Variants in RYR2 observed in about 807,000 individuals in gnomAD.
RYR2 encodes the protein ryanodine receptor 2.
In RYR2, 227 loss-of-function variants were observed where a neutral mutation model predicts 601.1. That is an observed-to-expected ratio of 0.38 (90% CI 0.34 to 0.42). The LOEUF is 0.42. Ranked by LOEUF, RYR2 falls within the 10% of genes least tolerant of loss-of-function variation. The pLI is 1.00. For missense variants in RYR2, 4,646 were observed against 6,156.5 expected (o/e 0.75, Z 8.21); for synonymous variants, 2,223 against 2,175.1 (o/e 1.02, Z -0.61).
chr1:237,248,321 G>GA lies in RYR2; in HGVS notation c.49-22167dup, dbSNP rs202029473. 9.3e-5 allele frequency among the ~76,000 whole-genome samples: 11 copies of GA among 117,660 alleles called. No individual in the cohort carries two copies. In the East Asian group the frequency reaches 1.5e-3, roughly 16 times the overall value. The allele number at this position is 117,660 out of a possible 152,430, so 77.2% of individuals were successfully genotyped here. A position where few individuals can be genotyped will look rare whatever the true frequency, so the allele number is the denominator to read the frequency against. On this transcript the variant is annotated intron_variant, in intron 1 of 104. Coordinates refer to ENST00000366574, the MANE Select transcript of RYR2 (RefSeq NM_001035.3). ...CCCCAAAAATGATGATGTATCATTT[G>GA]AAAAAAAAATCCATTGGTTTCAAAG...
At chr1:237,254,753 G>A (rs948592749) in intron 1 of RYR2, among the ~76,000 whole-genome samples, 1 of 152,154 alleles carries the variant, frequency 6.6e-6, no homozygotes, top group African/African-American at 2.4e-5. Context: ...TACATTTAAT[G>A]TTTCATAGAC....
intron 13 of RYR2, among the ~76,000 whole-genome samples, chr1:237,442,739 A>ATG (rs1708020492): frequency 6.6e-6 from 1 of 151,988 alleles, no homozygotes; most frequent in Non-Finnish European, 1.5e-5. Context: ...CATGTTCTGG[A>ATG]TGTGTCTGAC....
At chr1:237,341,163 C>T (rs1328302880) in intron 3 of RYR2, among the ~76,000 whole-genome samples, 1 of 152,058 alleles carries the variant, frequency 6.6e-6, no homozygotes, top group African/African-American at 2.4e-5. Flanking sequence ...TTTGATTAGT[C>T]TCATTCAATT....
At chr1:237,362,183 T>A (rs761786556) in intron 4 of RYR2, among the ~76,000 whole-genome samples, 3 of 152,224 alleles carry the variant, frequency 2.0e-5, no homozygotes, top group African/African-American at 7.2e-5. Flanking sequence ...ATCTGCAGTT[T>A]TAGCCTAAAG....
At chr1:237,775,726 G>A (rs1355395482) in intron 87 of RYR2, among the ~76,000 whole-genome samples, 2 of 152,206 alleles carry the variant, frequency 1.3e-5, no homozygotes, top group Non-Finnish European at 2.9e-5. Flanking sequence ...AGACCATGAG[G>A]TAGTTGTTGA....
At chr1:237,238,741 G>C (rs569772923) in intron 1 of RYR2, among the ~76,000 whole-genome samples, 1 of 152,140 alleles carries the variant, frequency 6.6e-6, no homozygotes, top group African/African-American at 2.4e-5. Flanking sequence ...ATAGACCTGT[G>C]GGTCACCTTA....
intron 1 of RYR2, among the ~76,000 whole-genome samples, chr1:237,205,859 G>A (rs888440): frequency 1.3e-5 from 2 of 152,212 alleles, no homozygotes; most frequent in African/African-American, 2.4e-5. Flanking sequence ...GGAGGAGGAC[G>A]CCTACTGTCT....
chr1:237,335,592 C>T lies in RYR2; in HGVS notation c.273+4610C>T, dbSNP rs377355555. Among the ~76,000 whole-genome samples, 14 of 152,174 alleles carry T rather than the reference C, an allele frequency of 9.2e-5. No homozygotes were observed. In the East Asian group the frequency reaches 1.7e-3, roughly 19 times the overall value. ...CACGTTGAGTGTCCTTTCTGTCTTT[C>T]GGGTGAATTATTTCTGGGGGGATTG... On this transcript the variant is annotated intron_variant, in intron 3 of 104. Transcript: ENST00000366574.
chr1:237,071,634 A>T (rs1664339909), intron 1 of RYR2, among the ~76,000 whole-genome samples: 1 of 151,812 alleles, frequency 6.6e-6, no homozygotes. Flanking sequence ...TGTGTTGGGG[A>T]TTCCACTGGG....
intron 3 of RYR2, among the ~76,000 whole-genome samples, chr1:237,341,909 A>G (rs1211076738): frequency 6.6e-6 from 1 of 152,206 alleles, no homozygotes; most frequent in Non-Finnish European, 1.5e-5. Flanking sequence ...GACACAGTCC[A>G]GGTTAATACC....
At chr1:237,408,402 A>G (rs573991469) in intron 10 of RYR2, among the ~76,000 whole-genome samples, 9 of 147,780 alleles carry the variant, frequency 6.1e-5, no homozygotes, top group Admixed American at 4.6e-4. Flanking sequence ...TTATATATAT[A>G]TATAAATGGA....
chr1:237,645,900 G>A (rs775581609), intron 48 of RYR2, among the ~76,000 whole-genome samples: 40 of 145,082 alleles, frequency 2.8e-4, no homozygotes, highest in Non-Finnish European at 4.2e-4. Flanking sequence ...TTTTTGAGAC[G>A]GAGTCTCACT....
rs866901413 is a variant in RYR2 at position 237,208,972 on chromosome 1, A to G, written c.49-61525A>G. On this transcript the variant is annotated intron_variant, in intron 1 of 104. Coordinates refer to ENST00000366574, the MANE Select transcript of RYR2 (RefSeq NM_001035.3). Reference sequence around the variant, plus strand: ...TATATATATATATATATATATATATATATATATATATATGTATACTGTAAT... The same window carrying G: ...TATATATATATATATATATATATATGTATATATATATATGTATACTGTAAT... Among the ~76,000 whole-genome samples the G allele has an allele frequency of 5.7e-4, 67 of 118,440 alleles. 4 individuals are homozygous for G. In the South Asian group the frequency reaches 6.3e-3, roughly 11 times the overall value. 77.7% of individuals were successfully genotyped at this position (118,440 alleles called of 152,430 possible).
At chr1:237,208,949 T>TG (rs1553342447) in intron 1 of RYR2, among the ~76,000 whole-genome samples, 3 of 55,284 alleles carry the variant, frequency 5.4e-5, no homozygotes, top group Non-Finnish European at 1.2e-4. Flanking sequence ...TATATATATA[T>TG]ATATATATAT....
intron 2 of RYR2, among the ~76,000 whole-genome samples, chr1:237,301,003 A>C (rs1351712063): frequency 6.6e-6 from 1 of 152,054 alleles, no homozygotes; most frequent in Non-Finnish European, 1.5e-5. Flanking sequence ...AATTGATAAG[A>C]CCTTTCATTC....
chr1:237,543,698 G>T (rs1348295833), intron 25 of RYR2, among the ~76,000 whole-genome samples: 1 of 152,174 alleles, frequency 6.6e-6, no homozygotes, highest in Admixed American at 6.5e-5. Flanking sequence ...AAGCTTGGGA[G>T]GTGGGGGTGG....
intron 12 of RYR2, among the ~76,000 whole-genome samples, chr1:237,436,268 G>A (rs1299955427): frequency 9.8e-6 from 1 of 102,396 alleles, no homozygotes; most frequent in Non-Finnish European, 2.3e-5. Flanking sequence ...CACTCTAGGG[G>A]AGGGTATTGT....
chr1:237,454,385 T>C lies in RYR2; in HGVS notation c.1293-6T>C, dbSNP rs756239888. 1 of 1,594,000 alleles carries C rather than the reference T, an allele frequency of 6.3e-7. No individual in the cohort carries two copies. The highest frequency in any genetic ancestry group is 8.5e-7 in the Non-Finnish European group (1 of 1,172,552). On this transcript the variant is annotated splice_region_variant and splice_polypyrimidine_tract_variant and intron_variant, in intron 14 of 104. Transcript: ENST00000366574. ...ACAATAGAGAAATGTTTATGGTTTATTTTAGGGGCCTTGATGCTCTCAGCA... is the reference window on the plus strand; with the variant it reads ...ACAATAGAGAAATGTTTATGGTTTACTTTAGGGGCCTTGATGCTCTCAGCA...
chr1:237,496,753 G>A lies in RYR2; in HGVS notation c.2203+1G>A. On this transcript the variant is annotated splice_donor_variant, in intron 20 of 104. Transcript: ENST00000366574. LOFTEE classifies it high-confidence loss of function. ...TTTGATGGCCTTCATCTCTGGTCAG[G>A]TACGTACTATCCATTTTCTTTCACC... 1 of 1,608,954 alleles carries A rather than the reference G, an allele frequency of 6.2e-7. No individual in the cohort carries two copies. The highest frequency in any genetic ancestry group is 8.5e-7 in the Non-Finnish European group (1 of 1,176,164).
Sources: allele counts gnomAD v4.1 joint callset (sites outside exome capture counted in the v4.1 genomes callset), GRCh38; gene constraint gnomAD v4.1.1; transcripts MANE v1.5; gene names NCBI Gene and HGNC (gene_info 2026-07-23, HGNC 2026-07-21).